SGCD: variants seen among roughly 807,000 people sequenced by gnomAD.
The protein encoded by SGCD is sarcoglycan delta.
In SGCD, 18 loss-of-function variants were observed where a neutral mutation model predicts 36.6. That is an observed-to-expected ratio of 0.49 (90% CI 0.34 to 0.73). SGCD has a LOEUF of 0.73. Ranked by LOEUF, SGCD falls within the 30% of genes least tolerant of loss-of-function variation. SGCD has a pLI of 0.01. For missense variants in SGCD, 387 were observed against 346.7 expected, an observed-to-expected ratio of 1.12 and a Z score of -0.92; for synonymous variants, 133 against 130.6, an observed-to-expected ratio of 1.02 and a Z score of -0.12.
intron 3 of SGCD, among the ~76,000 whole-genome samples, chr5:156,216,800 C>T (rs1016974314): frequency 3.9e-5 from 6 of 152,070 alleles, no homozygotes; most frequent in Non-Finnish European, 8.8e-5. Context: ...TGAATGTGGC[C>T]GGGCGTGGTG....
At chr5:155,998,342 A>G (rs1159386079) in intron 1 of SGCD, among the ~76,000 whole-genome samples, 1 of 152,144 alleles carries the variant, frequency 6.6e-6, no homozygotes, top group African/African-American at 2.4e-5. Flanking sequence ...TTGAAAAATA[A>G]TTTTCAAAAT....
At chr5:156,011,931 A>G (rs1368476865) in intron 1 of SGCD, among the ~76,000 whole-genome samples, 2 of 152,200 alleles carry the variant, frequency 1.3e-5, no homozygotes, top group African/African-American at 2.4e-5. Flanking sequence ...GTAATAGACT[A>G]GATCTACCCC....
intron 3 of SGCD, among the ~76,000 whole-genome samples, chr5:156,218,822 T>C (rs1163093994): frequency 6.6e-6 from 1 of 152,194 alleles, no homozygotes; most frequent in Non-Finnish European, 1.5e-5. Context: ...TTTTTACTGT[T>C]TTCATGTTTA....
chr5:156,457,055 A>G (rs1379945371), intron 3 of SGCD, among the ~76,000 whole-genome samples: 3 of 152,170 alleles, frequency 2.0e-5, no homozygotes, highest in African/African-American at 7.2e-5. Context: ...AGTTATTTAC[A>G]TTTTACTAGA....
rs189514951 is a variant in SGCD at position 156,145,325 on chromosome 5, G to A, written c.-44+21306G>A. ...TGATTGTAAGTTTGCTGAGGCCTCCGCAGAAGCTGAGCTGATGCTGCCATG... is the reference window on the plus strand; with the variant it reads ...TGATTGTAAGTTTGCTGAGGCCTCCACAGAAGCTGAGCTGATGCTGCCATG... On this transcript the variant is annotated intron_variant, in intron 3 of 9. Coordinates refer to the SGCD transcript ENST00000517913. Among the ~76,000 whole-genome samples, 18 of 152,222 alleles carry A rather than the reference G, an allele frequency of 1.2e-4. No individual in the cohort carries two copies. In the East Asian group the frequency reaches 1.7e-3, roughly 15 times the overall value.
At chr5:156,271,350 G>A (rs1042985016) in intron 3 of SGCD, among the ~76,000 whole-genome samples, 1 of 152,034 alleles carries the variant, frequency 6.6e-6, no homozygotes, top group Non-Finnish European at 1.5e-5. Flanking sequence ...ATGGAAAAAA[G>A]TGCATTGGTC....
At chr5:156,683,682 C>T (rs1753803584) in intron 7 of SGCD, among the ~76,000 whole-genome samples, 1 of 152,190 alleles carries the variant, frequency 6.6e-6, no homozygotes, top group African/African-American at 2.4e-5. Flanking sequence ...TTGAACTTTG[C>T]ATTTGCATAG....
chr5:156,273,520 G>C (rs918329574), intron 3 of SGCD, among the ~76,000 whole-genome samples: 1 of 152,122 alleles, frequency 6.6e-6, no homozygotes, highest in African/African-American at 2.4e-5. Flanking sequence ...TTCTAATCGG[G>C]CTCTGCTGTA....
At chr5:156,592,300 GTTAGTACT>G (rs1760756383) in intron 5 of SGCD, among the ~76,000 whole-genome samples, 1 of 151,800 alleles carries the variant, frequency 6.6e-6, no homozygotes. Context: ...TCATTCATTC[GTTAGTACT>G]TCATTACCTT....
intron 1 of SGCD, among the ~76,000 whole-genome samples, chr5:156,047,177 A>C (rs1353812152): frequency 6.6e-6 from 1 of 152,194 alleles, no homozygotes; most frequent in Non-Finnish European, 1.5e-5. Flanking sequence ...GGAAACCAGC[A>C]GGAGTTGGTT....
At chr5:156,626,625 G>A (rs1445774690) in intron 6 of SGCD, among the ~76,000 whole-genome samples, 1 of 152,132 alleles carries the variant, frequency 6.6e-6, no homozygotes, top group Non-Finnish European at 1.5e-5. Flanking sequence ...CTTTCATATA[G>A]GATGGATATT....
chr5:155,831,664 A>G, the SGCD span, among the ~76,000 whole-genome samples: 1 of 152,222 alleles, frequency 6.6e-6, no homozygotes, highest in Non-Finnish European at 1.5e-5. Flanking sequence ...ATCCCCCGTC[A>G]CAAATCCCCA....
intron 4 of SGCD, among the ~76,000 whole-genome samples, chr5:156,588,699 G>C (rs1760593348): frequency 6.6e-6 from 1 of 152,194 alleles, no homozygotes; most frequent in Non-Finnish European, 1.5e-5. Context: ...GGGGACATCA[G>C]ATCTCCTGGG....
Position 156,032,350 on chromosome 5 carries a change from CTT to C in SGCD, c.-281-85526_-281-85525del, listed in dbSNP as rs1197601736. ...TGTATTCTTTTTTGTTTTTTTAACT[CTT>C]TGAGTCTTATTCAAATTTATTTCTG... On this transcript the variant is annotated intron_variant, in intron 1 of 9. Coordinates refer to the SGCD transcript ENST00000517913. Among the ~76,000 whole-genome samples the C allele has an allele frequency of 2.0e-5, 3 of 151,906 alleles. No individual in the cohort carries two copies. In the East Asian group the frequency reaches 5.8e-4, roughly 29 times the overall value.
chr5:156,373,250 A>G (rs567482290), intron 3 of SGCD, among the ~76,000 whole-genome samples: 1 of 152,248 alleles, frequency 6.6e-6, no homozygotes, highest in Non-Finnish European at 1.5e-5. Context: ...TACATTTTCG[A>G]CTTCTTCTTT....
At chr5:155,906,023 A>C (rs1429700059) in intron 1 of SGCD, among the ~76,000 whole-genome samples, 1 of 152,158 alleles carries the variant, frequency 6.6e-6, no homozygotes, top group African/African-American at 2.4e-5. Context: ...CAAATCTGTT[A>C]GTTCCATTTT....
intron 3 of SGCD, among the ~76,000 whole-genome samples, chr5:156,196,008 G>A (rs967700309): frequency 1.3e-5 from 2 of 151,992 alleles, no homozygotes; most frequent in Admixed American, 6.5e-5. Flanking sequence ...ACCTCTGAAG[G>A]CACCAGCATC....
chr5:156,220,622 C>G (rs1013284317), intron 3 of SGCD, among the ~76,000 whole-genome samples: 1 of 152,094 alleles, frequency 6.6e-6, no homozygotes. Flanking sequence ...GCCCTAGGAC[C>G]AGTGTTGCCT....
chr5:155,751,324 C>T, the SGCD span, among the ~76,000 whole-genome samples: 1 of 152,342 alleles, frequency 6.6e-6, no homozygotes, highest in Non-Finnish European at 1.5e-5. Context: ...TGTACCTAAG[C>T]ATTCAGATGA....
Sources: allele counts gnomAD v4.1 joint callset (sites outside exome capture counted in the v4.1 genomes callset), GRCh38; gene constraint gnomAD v4.1.1; transcripts MANE v1.5; gene names NCBI Gene and HGNC (gene_info 2026-07-23, HGNC 2026-07-21).